Variants in ATP10B observed in about 807,000 individuals in gnomAD.
ATP10B encodes the protein ATPase phospholipid transporting 10B (putative).
A neutral mutation model predicts 141.2 loss-of-function variants in ATP10B; 122 were observed. The ratio of observed to expected loss-of-function variants is 0.86; its 90% CI spans 0.75 to 1.00. The LOEUF (loss-of-function observed/expected upper bound fraction) is 1.00. Among genes scored for constraint, ATP10B ranks in the 50% least tolerant of loss-of-function variants. The pLI, the probability that ATP10B is intolerant of heterozygous loss-of-function variation, is 0.00. For synonymous variants in ATP10B, 685 were observed against 692.0 expected, an observed-to-expected ratio of 0.99 and a Z score of 0.16; for missense variants, 1,876 against 1,825.3, an observed-to-expected ratio of 1.03 and a Z score of -0.51.
rs142721161 is a variant in ATP10B, at chr5:160,795,465, G to T, written c.-575-9662C>A. Among the ~76,000 whole-genome samples the T allele has an allele frequency of 2.2e-4, 34 of 152,156 alleles. No individual in the cohort carries two copies. The East Asian group carries it at 6.0e-3, about 27-fold the overall frequency. ...CCTTTGTTTTCTAGCACTGAGACTT[G>T]CAGCAATTCACTCATTTCTGAGCTC... On this transcript the variant is annotated intron_variant, in intron 1 of 25. Coordinates refer to ENST00000327245, the MANE Select transcript of ATP10B (RefSeq NM_025153.3).
chr5:160,828,268 C>A (rs971929446), intron 1 of ATP10B, among the ~76,000 whole-genome samples: 66 of 152,076 alleles, frequency 4.3e-4, no homozygotes, highest in Non-Finnish European at 7.6e-4. Flanking sequence ...TCAGAGTGAA[C>A]AGGCAACCTA....
rs1581163456 is a variant in ATP10B, at chr5:160,590,967, T to G, written c.3645+92A>C. 3 of 1,103,880 alleles carry G rather than the reference T, an allele frequency of 2.7e-6. No individual in the cohort carries two copies. In the East Asian group the frequency reaches 7.1e-5, roughly 26 times the overall value. The allele number at this position is 1,103,880 out of a possible 1,614,324, so 68.4% of individuals were successfully genotyped here. ...CTGTTTGAGCCTCTGCTCTAAAGTGTCCAGAAGGACACTACTGGTCTGGAA... is the reference window on the plus strand; with the variant it reads ...CTGTTTGAGCCTCTGCTCTAAAGTGGCCAGAAGGACACTACTGGTCTGGAA... On this transcript the variant is annotated intron_variant, in intron 23 of 25. Coordinates refer to ENST00000327245, the MANE Select transcript of ATP10B (RefSeq NM_025153.3).
intron 8 of ATP10B, among the ~76,000 whole-genome samples, chr5:160,644,529 C>T (rs910075407): frequency 6.6e-6 from 1 of 152,132 alleles, no homozygotes; most frequent in African/African-American, 2.4e-5. Flanking sequence ...GGTGAAAAAG[C>T]CTTGGCTTCA....
chr5:160,900,905 G>T, the ATP10B span, among the ~76,000 whole-genome samples: 71 of 116,818 alleles, frequency 6.1e-4, no homozygotes, highest in Admixed American at 6.1e-3. Context: ...GGGGGGTAGA[G>T]AAGTTTTTTT....
At chr5:160,850,884 G>A (rs1465926609) in intron 1 of ATP10B, among the ~76,000 whole-genome samples, 1 of 152,168 alleles carries the variant, frequency 6.6e-6, no homozygotes, top group Non-Finnish European at 1.5e-5. Context: ...AGTCATCAAT[G>A]GATGAAATGA....
Position 160,617,927 on chromosome 5 carries a change from C to T in ATP10B, c.2463G>A (p.Arg821=). The change falls in exon 16 of 26, where the codon CGG becomes CGA. Residue 821 remains arginine (R), a synonymous_variant. Transcript: ENST00000327245. Reference sequence around the variant, plus strand: ...CATACAAGTCTAGATGCTTTTGGGTCCGGGCTCGGATTTTTCTCAGCTTCT... The same window carrying T: ...CATACAAGTCTAGATGCTTTTGGGTTCGGGCTCGGATTTTTCTCAGCTTCT... ...MEKKLRKIRA[R]TQKHLDLYAR... 2 of 1,614,198 alleles carry T rather than the reference C, an allele frequency of 1.2e-6. No individual in the cohort carries two copies. Among genetic ancestry groups the T allele is most frequent in the Non-Finnish European group, 1.7e-6 (2 of 1,179,998 alleles).
chr5:160,854,568 A>G (rs1753950248), upstream of ATP10B, among the ~76,000 whole-genome samples: 1 of 152,106 alleles, frequency 6.6e-6, no homozygotes, highest in Admixed American at 6.6e-5. Flanking sequence ...TATCCAGTCT[A>G]TCATTGATGG....
chr5:160,572,474 C>T (rs987846709), intron 24 of ATP10B, among the ~76,000 whole-genome samples: 4 of 152,084 alleles, frequency 2.6e-5, no homozygotes, highest in Non-Finnish European at 4.4e-5. Context: ...CAGAAATCAC[C>T]AGTAACTATT....
intron 6 of ATP10B, among the ~76,000 whole-genome samples, chr5:160,675,117 C>T (rs958839649): frequency 6.6e-6 from 1 of 152,144 alleles, no homozygotes; most frequent in African/African-American, 2.4e-5. Flanking sequence ...CCAGGGGAGA[C>T]CAGCAGCTGG....
At chr5:160,800,889 C>G (rs552959536) in intron 1 of ATP10B, among the ~76,000 whole-genome samples, 6 of 152,296 alleles carry the variant, frequency 3.9e-5, no homozygotes, top group Non-Finnish European at 7.4e-5. Flanking sequence ...TTGAAATTTC[C>G]CTTTCATTTG....
intron 24 of ATP10B, among the ~76,000 whole-genome samples, chr5:160,573,988 CA>C (rs1414942377): frequency 5.3e-5 from 8 of 151,936 alleles, no homozygotes; most frequent in Non-Finnish European, 2.9e-5. Context: ...AGAATTGTGC[CA>C]AAAAAATGAG....
intron 2 of ATP10B, among the ~76,000 whole-genome samples, chr5:160,750,746 G>A (rs2915805): frequency 0.59 from 89,376 of 151,772 alleles, 26,888 homozygotes; most frequent in African/African-American, 0.7. Context: ...AAGTGACGTC[G>A]TAATTCAGAA....
At chr5:160,724,775 T>A (rs1766222407) in intron 2 of ATP10B, among the ~76,000 whole-genome samples, 1 of 152,234 alleles carries the variant, frequency 6.6e-6, no homozygotes. Context: ...GCACCTCCTC[T>A]GTTTCTTGCT....
rs891953418 is a variant in ATP10B at position 160,828,082 on chromosome 5, C to T, written c.-576+23859G>A. ...ATTCAAGATGGATTAAAGACTTACA[C>T]GTTAGACCTAAAACCATAAAAACCC... On this transcript the variant is annotated intron_variant, in intron 1 of 25. Transcript: ENST00000327245. 4.4e-3 allele frequency among the ~76,000 whole-genome samples: 671 copies of T among 152,180 alleles called. 2 individuals are homozygous for T. Among genetic ancestry groups the T allele is most frequent in the Non-Finnish European group, 7.0e-3 (477 of 67,986 alleles).
chr5:160,782,227 C>G (rs1272107527), intron 2 of ATP10B, among the ~76,000 whole-genome samples: 1 of 152,076 alleles, frequency 6.6e-6, no homozygotes, highest in Non-Finnish European at 1.5e-5. Flanking sequence ...TGGTCAGTAA[C>G]AGCAACAACC....
intron 1 of ATP10B, among the ~76,000 whole-genome samples, chr5:160,806,972 C>A (rs185021230): frequency 3.7e-4 from 56 of 152,168 alleles, no homozygotes; most frequent in Middle Eastern, 3.4e-3. Context: ...AAATTAGCCT[C>A]ATTTTCAAGA....
chr5:160,904,637 A>G, the ATP10B span, among the ~76,000 whole-genome samples: 1 of 152,232 alleles, frequency 6.6e-6, no homozygotes, highest in Non-Finnish European at 1.5e-5. Flanking sequence ...AGTGAAGGAA[A>G]GGGATGAGCA....
chr5:160,902,173 T>C, the ATP10B span, among the ~76,000 whole-genome samples: 12 of 152,324 alleles, frequency 7.9e-5, no homozygotes, highest in South Asian at 2.1e-3. Context: ...AATGGTAGTT[T>C]TATAGAAGTC....
chr5:160,705,227 G>A (rs1490510135), intron 3 of ATP10B, among the ~76,000 whole-genome samples: 2 of 151,910 alleles, frequency 1.3e-5, no homozygotes, highest in Non-Finnish European at 2.9e-5. Context: ...CTTATCCTTT[G>A]TTTTCTAAGA....
Sources: gnomAD v4.1 joint callset for allele counts (sites outside exome capture counted in the v4.1 genomes callset) on GRCh38, gnomAD v4.1.1 for gene constraint, MANE v1.5 for transcripts, NCBI Gene and HGNC (gene_info 2026-07-23, HGNC 2026-07-21) for gene names.